The following ATG7 variants were observed in gnomAD, a reference collection of about 807,000 sequenced individuals.
ATG7 encodes the protein ubiquitin-like modifier-activating enzyme ATG7.
Under a neutral mutation model 82.4 loss-of-function variants are expected in ATG7, and 70 were observed. The ratio of observed to expected loss-of-function variants is 0.85; its 90% CI spans 0.70 to 1.04. The LOEUF is 1.04. ATG7 is among the 50% of genes least tolerant of loss of function. The pLI is 0.00. For missense variants in ATG7, 792 were observed against 864.3 expected (o/e 0.92, Z 1.05); for synonymous variants, 287 against 313.0 (o/e 0.92, Z 0.88).
chr3:11,561,431 G>A (rs1248297202), downstream of ATG7, among the ~76,000 whole-genome samples: 1 of 152,122 alleles, frequency 6.6e-6, no homozygotes, highest in Non-Finnish European at 1.5e-5. Flanking sequence ...TGCCTTAACC[G>A]GTCACCTGCA....
chr3:11,470,602 T>C (rs1395611577), intron 20 of ATG7, among the ~76,000 whole-genome samples: 1 of 152,180 alleles, frequency 6.6e-6, no homozygotes, highest in Non-Finnish European at 1.5e-5. Flanking sequence ...ATCCTGTCCT[T>C]TTCCTGAAGT....
At chr3:11,395,968 TAG>T (rs1173567417) in intron 19 of ATG7, among the ~76,000 whole-genome samples, 2 of 76,688 alleles carry the variant, frequency 2.6e-5, no homozygotes, top group Admixed American at 1.6e-4. Context: ...AAAAAAAAGG[TAG>T]GGGGGGAAGA....
intron 13 of ATG7, among the ~76,000 whole-genome samples, chr3:11,347,514 G>C (rs1173987594): frequency 6.6e-6 from 1 of 152,130 alleles, no homozygotes; most frequent in Non-Finnish European, 1.5e-5. Flanking sequence ...TATTCGTTAA[G>C]GGAAATCAAG....
At chr3:11,466,169 T>C (rs1310416691) in intron 20 of ATG7, among the ~76,000 whole-genome samples, 1 of 152,232 alleles carries the variant, frequency 6.6e-6, no homozygotes, top group Non-Finnish European at 1.5e-5. Flanking sequence ...AGCGAGAAGC[T>C]GCTGCAGACA....
intron 19 of ATG7, among the ~76,000 whole-genome samples, chr3:11,424,393 C>T (rs2082187820): frequency 6.6e-6 from 1 of 151,848 alleles, no homozygotes; most frequent in African/African-American, 2.4e-5. Flanking sequence ...GTGGGAGGAT[C>T]ACCTGAACCC....
At chr3:11,443,518 C>G (rs1559636032) in intron 20 of ATG7, among the ~76,000 whole-genome samples, 1 of 152,172 alleles carries the variant, frequency 6.6e-6, no homozygotes, top group Non-Finnish European at 1.5e-5. Flanking sequence ...TCCTGAGTAG[C>G]TGGGGCCACA....
At chr3:11,496,519 G>T (rs1190624886) in intron 20 of ATG7, among the ~76,000 whole-genome samples, 1 of 152,184 alleles carries the variant, frequency 6.6e-6, no homozygotes, top group Non-Finnish European at 1.5e-5. Flanking sequence ...GGCTGCTGAG[G>T]CTGGGACTTT....
the ATG7 span, among the ~76,000 whole-genome samples, chr3:11,567,620 G>C: frequency 6.6e-6 from 1 of 152,186 alleles, no homozygotes; most frequent in Non-Finnish European, 1.5e-5. Context: ...TCAGAAGACA[G>C]CACAGGTTTC....
chr3:11,353,143 T>C (rs1437460739), intron 14 of ATG7, among the ~76,000 whole-genome samples: 1 of 152,202 alleles, frequency 6.6e-6, no homozygotes, highest in Non-Finnish European at 1.5e-5. Flanking sequence ...ATAGCCCCTT[T>C]AAAAATGTTT....
In ATG7 at chr3:11,369,877, T is replaced by C. The variant is rs1374315616; in HGVS notation, c.1875+5143T>C. ...GTGTTTAGGAAGGCAGCCTGAAGGTTTTGTGATCATACAGATCTGATTAGA... is the reference window on the plus strand; with the variant it reads ...GTGTTTAGGAAGGCAGCCTGAAGGTCTTGTGATCATACAGATCTGATTAGA... On this transcript the variant is annotated intron_variant, in intron 18 of 20. Coordinates refer to ENST00000693202, the MANE Select transcript of ATG7 (RefSeq NM_001349232.2). Among the ~76,000 whole-genome samples the C allele has an allele frequency of 2.0e-5, 3 of 151,096 alleles. 1 individual carries two copies. Among genetic ancestry groups the C allele is most frequent in the Non-Finnish European group, 4.4e-5 (3 of 67,798 alleles).
chr3:11,340,168 C>T (rs546296106), intron 11 of ATG7, among the ~76,000 whole-genome samples: 1 of 152,250 alleles, frequency 6.6e-6, no homozygotes, highest in Non-Finnish European at 1.5e-5. Flanking sequence ...CTGTGATCTG[C>T]TCACAGGTAC....
intron 1 of ATG7, among the ~76,000 whole-genome samples, chr3:11,279,436 A>C (rs1436880012): frequency 6.6e-6 from 1 of 152,206 alleles, no homozygotes; most frequent in Non-Finnish European, 1.5e-5. Context: ...CTGTAATCCC[A>C]GCACTTTGGG....
At chr3:11,281,762 G>A (rs1943084440) in intron 2 of ATG7, among the ~76,000 whole-genome samples, 1 of 120,586 alleles carries the variant, frequency 8.3e-6, no homozygotes, top group Admixed American at 9.5e-5. Context: ...CAACAAGAGC[G>A]AAACTCCATC....
intron 19 of ATG7, among the ~76,000 whole-genome samples, chr3:11,389,693 CAG>C (rs2078629137): frequency 1.3e-5 from 2 of 152,292 alleles, no homozygotes; most frequent in African/African-American, 2.4e-5. Flanking sequence ...GTGTATTCAG[CAG>C]AGTCTTGAGT....
At chr3:11,359,877 G>A (rs1488276114) in intron 15 of ATG7, among the ~76,000 whole-genome samples, 1 of 146,448 alleles carries the variant, frequency 6.8e-6, no homozygotes, top group Non-Finnish European at 1.5e-5. Flanking sequence ...ATGTGAACAT[G>A]ACAGTATAGC....
chr3:11,410,169 C>T (rs6790782), intron 19 of ATG7, among the ~76,000 whole-genome samples: 3,681 of 152,200 alleles, frequency 0.024, 148 homozygotes, highest in African/African-American at 0.083. Flanking sequence ...CTTGACATCT[C>T]GACATATTAA....
rs1419774866 is a variant in ATG7 at position 11,297,406 on chromosome 3, T to G, written c.-10-1280T>G. On this transcript the variant is annotated intron_variant, in intron 3 of 20. Coordinates refer to ENST00000693202, the MANE Select transcript of ATG7 (RefSeq NM_001349232.2). The stretch of plus-strand genomic sequence containing the variant: ...TCATATGTTCTGCTGCAGAAATACT[T>G]GTATGTCTGGTTGTGGGGTAATTGG... Among the ~76,000 whole-genome samples the G allele has an allele frequency of 4.6e-5, 7 of 152,122 alleles. 1 individual carries two copies. The highest frequency in any genetic ancestry group is 1.0e-4 in the Non-Finnish European group (7 of 68,018).
chr3:11,454,390 CTT>C (rs879833955), intron 20 of ATG7, among the ~76,000 whole-genome samples: 1 of 152,162 alleles, frequency 6.6e-6, no homozygotes, highest in Non-Finnish European at 1.5e-5. Context: ...TATGATGAAA[CTT>C]TGGCTAAGAG....
chr3:11,377,838 C>G (rs988822863), intron 18 of ATG7, among the ~76,000 whole-genome samples: 1 of 152,036 alleles, frequency 6.6e-6, no homozygotes, highest in Non-Finnish European at 1.5e-5. Context: ...TTGTGACTTG[C>G]TATTAAACTC....
Sources: allele counts gnomAD v4.1 joint callset (sites outside exome capture counted in the v4.1 genomes callset), GRCh38; gene constraint gnomAD v4.1.1; transcripts MANE v1.5; gene names NCBI Gene and HGNC (gene_info 2026-07-23, HGNC 2026-07-21).